The following TTLL7 variants were observed in gnomAD, a reference collection of about 807,000 sequenced individuals.
TTLL7 encodes the protein tubulin tyrosine ligase like 7, also known as tubulin polyglutamylase TTLL7.
TTLL7 carries 53 observed loss-of-function variants against 120.2 expected under a neutral mutation model. That is an observed-to-expected ratio of 0.44 (90% CI 0.35 to 0.55). TTLL7 has a LOEUF of 0.55. TTLL7 is among the 20% of genes least tolerant of loss of function. The probability of loss-of-function intolerance (pLI) is 0.00; values close to 1 mark genes in which losing one functional copy is unlikely to be tolerated. For missense variants in TTLL7, 803 were observed against 1,054.7 expected, an observed-to-expected ratio of 0.76 and a Z score of 3.31; for synonymous variants, 353 against 351.7, an observed-to-expected ratio of 1.00 and a Z score of -0.04.
At chr1:83,899,237 T>TG (rs1656501579) in intron 18 of TTLL7, among the ~76,000 whole-genome samples, 1 of 151,952 alleles carries the variant, frequency 6.6e-6, no homozygotes, top group African/African-American at 2.4e-5. Context: ...TTCCCAGATG[T>TG]GCCTCACCTT....
chr1:83,929,204 A>C lies in TTLL7; in HGVS notation c.1074T>G (p.Thr358=), dbSNP rs1298202826. 4 of 1,611,908 alleles carry C rather than the reference A, an allele frequency of 2.5e-6. No individual in the cohort carries two copies. The highest frequency in any genetic ancestry group is 2.5e-6 in the Non-Finnish European group (3 of 1,178,692). The stretch of plus-strand genomic sequence containing the variant: ...TTACATCATAGTCTATTTTCTGATC[A>C]GTTCCAAAGCTTGGGGCTCGGTTAA... ...LEINRAPSFG[T]DQKIDYDVKR... is the part of the protein sequence containing the mutation. Residue 358 remains threonine (T), a synonymous_variant, in exon 10 of 21, where the codon ACT becomes ACG. Coordinates refer to ENST00000260505, the MANE Select transcript of TTLL7 (RefSeq NM_024686.6).
intron 1 of TTLL7, among the ~76,000 whole-genome samples, chr1:83,956,860 G>A (rs549226266): frequency 2.3e-4 from 35 of 152,280 alleles, no homozygotes; most frequent in African/African-American, 8.2e-4. Flanking sequence ...ATGGCTAGGG[G>A]TGGGGCTAAG....
chr1:83,897,865 T>TAAAAAAAA (rs58157608), intron 18 of TTLL7, among the ~76,000 whole-genome samples: 2 of 127,370 alleles, frequency 1.6e-5, no homozygotes. Context: ...TGTTTTCCAT[T>TAAAAAAAA]AAAAAAAAAA....
chr1:83,906,635 G>T, intron 16 of TTLL7, 172 bp from the exon 17 acceptor site: 1 of 812,348 alleles, frequency 1.2e-6, no homozygotes, highest in Non-Finnish European at 1.9e-6. Flanking sequence ...AAATGGATAT[G>T]AATCCCAAGA....
intron 10 of TTLL7, among the ~76,000 whole-genome samples, chr1:83,927,273 T>C (rs1033580467): frequency 2.0e-5 from 3 of 152,060 alleles, no homozygotes; most frequent in Admixed American, 6.6e-5. Flanking sequence ...TTAAATCTAA[T>C]TGAAAAGAAA....
At chr1:83,915,897 T>A (rs1486346878) in intron 14 of TTLL7, among the ~76,000 whole-genome samples, 3 of 152,170 alleles carry the variant, frequency 2.0e-5, no homozygotes, top group Non-Finnish European at 4.4e-5. Flanking sequence ...AAAATGCTCA[T>A]CATCACTGAC....
chr1:83,917,809 T>G, intron 13 of TTLL7, 119 bp from the exon 14 acceptor site: 1 of 663,362 alleles, frequency 1.5e-6, no homozygotes, highest in Non-Finnish European at 2.6e-6. Context: ...TAGTGAAGAT[T>G]GCTCAGAAAA....
intron 17 of TTLL7, 112 bp downstream of exon 17, chr1:83,906,217 A>T (rs988423953): frequency 5.5e-6 from 5 of 910,984 alleles, no homozygotes; most frequent in Admixed American, 4.8e-5. Context: ...AAGAACATCA[A>T]TTAAATTTAC....
At chr1:83,994,123 CT>C (rs1291350868) in intron 1 of TTLL7, among the ~76,000 whole-genome samples, 2 of 152,202 alleles carry the variant, frequency 1.3e-5, no homozygotes, top group African/African-American at 4.8e-5. Flanking sequence ...TGTCCAGCTT[CT>C]ATCAGAAATC....
At chr1:83,892,952 A>AAAAGAAAGAAAGAAAGAAAGAAAG (rs1553129478) in intron 18 of TTLL7, among the ~76,000 whole-genome samples, 8 of 129,058 alleles carry the variant, frequency 6.2e-5, no homozygotes, top group Middle Eastern at 4.1e-3. Context: ...GAAAGAAAGA[A>AAAAGAAAGAAAGAAAGAAAGAAAG]AAGAATAAAA....
intron 10 of TTLL7, among the ~76,000 whole-genome samples, chr1:83,926,551 A>G (rs1215396760): frequency 6.6e-6 from 1 of 152,190 alleles, no homozygotes; most frequent in African/African-American, 2.4e-5. Flanking sequence ...CAGTGAGAAA[A>G]TGATGGGTAG....
intron 19 of TTLL7, chr1:83,885,244 T>C (rs1654882085): frequency 6.5e-6 from 1 of 153,014 alleles, no homozygotes; most frequent in East Asian, 1.9e-4. Context: ...GGATTTTGGG[T>C]ATGTCTATAA....
intron 17 of TTLL7, 52 bp from the exon 18 acceptor site, chr1:83,904,211 AAATT>A: frequency 7.1e-7 from 1 of 1,409,498 alleles, no homozygotes; most frequent in Non-Finnish European, 9.9e-7. Flanking sequence ...CCCATTTTTT[AAATT>A]AATTTGTGTA....
At chr1:83,913,047 A>C (rs1483699236) in intron 14 of TTLL7, 1 of 152,156 alleles carries the variant, frequency 6.6e-6, no homozygotes, top group African/African-American at 2.4e-5. Flanking sequence ...GACCCTATAA[A>C]GAATCACAAG....
At position 83,982,063 on chromosome 1, in the gene TTLL7, A is replaced by G. The variant is rs148426435; in HGVS notation, c.-177+16868T>C. Among the ~76,000 whole-genome samples the G allele has an allele frequency of 3.3e-5, 5 of 152,338 alleles. No individual in the cohort carries two copies. The East Asian group carries it at 9.6e-4, about 29-fold the overall frequency. On this transcript the variant is annotated intron_variant, in intron 1 of 20. Transcript: ENST00000260505. ...TCATAAAACATGTCTTAGCATATTT[A>G]AAAGAATTTAAACCATACAGAGTAT... is the stretch of plus-strand genomic sequence containing the variant.
Position 83,865,409 on chromosome 1 carries a change from A to G in TTLL7, c.*4553T>C, listed in dbSNP as rs1652849880. Reference sequence around the variant, plus strand: ...TGTTATTTCATTACTTTTGTAAGGTAAGCCTTATTACTAATTTAGGAACTA... The same window carrying G: ...TGTTATTTCATTACTTTTGTAAGGTGAGCCTTATTACTAATTTAGGAACTA... On this transcript the variant is annotated 3_prime_UTR_variant, in exon 21 of 21. Coordinates refer to ENST00000260505, the MANE Select transcript of TTLL7 (RefSeq NM_024686.6). 6.6e-6 allele frequency: 1 copy of G among 152,000 alleles called. No individual in the cohort carries two copies. The highest frequency in any genetic ancestry group is 1.5e-5 in the Non-Finnish European group (1 of 67,890). 9.4% of individuals were successfully genotyped at this position (152,000 alleles called of 1,614,324 possible). A position where few individuals can be genotyped will look rare whatever the true frequency, so the allele number is the denominator to read the frequency against.
chr1:83,937,514 T>G (rs532150908), intron 8 of TTLL7, among the ~76,000 whole-genome samples: 21 of 152,256 alleles, frequency 1.4e-4, no homozygotes, highest in Non-Finnish European at 2.5e-4. Context: ...AGTACAGTAA[T>G]GTTTTGTACA....
intron 1 of TTLL7, among the ~76,000 whole-genome samples, chr1:83,988,701 C>T (rs1029266976): frequency 1.3e-5 from 2 of 151,582 alleles, no homozygotes. Flanking sequence ...AGTGTCTGTT[C>T]GTGTCTTTGG....
At chr1:83,956,881 T>C (rs559624200) in intron 1 of TTLL7, among the ~76,000 whole-genome samples, 6 of 152,348 alleles carry the variant, frequency 3.9e-5, no homozygotes, top group African/African-American at 1.4e-4. Flanking sequence ...GGAGACTTAC[T>C]TGTACTTACC....
Sources: gnomAD v4.1 joint callset for allele counts (sites outside exome capture counted in the v4.1 genomes callset) on GRCh38, gnomAD v4.1.1 for gene constraint, MANE v1.5 for transcripts, NCBI Gene and HGNC (gene_info 2026-07-23, HGNC 2026-07-21) for gene names.